Variants in CTBP2 observed in about 807,000 individuals in gnomAD.
The protein encoded by CTBP2 is C-terminal-binding protein 2.
In CTBP2, 30 loss-of-function variants were observed where a neutral mutation model predicts 80.3. The ratio of observed to expected loss-of-function variants is 0.37; its 90% CI spans 0.28 to 0.51. CTBP2 has a LOEUF of 0.51. Among genes scored for constraint, CTBP2 ranks in the 20% least tolerant of loss-of-function variants. The pLI, the probability that CTBP2 is intolerant of heterozygous loss-of-function variation, is 0.93. For synonymous variants in CTBP2, 594 were observed against 587.4 expected (o/e 1.01, Z -0.16); for missense variants, 1,212 against 1,375.3 (o/e 0.88, Z 1.88).
Position 124,998,054 on chromosome 10 carries a change from C to T in CTBP2, c.2095G>A (p.Gly699Ser). 3 of 1,613,296 alleles carry T rather than the reference C, an allele frequency of 1.9e-6. No homozygotes were observed. Among genetic ancestry groups the T allele is most frequent in the Non-Finnish European group, 2.5e-6 (3 of 1,179,958 alleles). ...TGCTCCACGCTCTGAACCCGCGTGC[C>T]TTCCCGCAGTGCCTGGTACAGCCAC... The change falls in exon 4 of 9, where the codon GGC becomes AGC. Residue 699 changes from glycine (G) to serine (S), a missense_variant. By Grantham distance (56) the Gly-to-Ser change is moderately conservative. Around this residue, in one of 3 missense-constraint regions of CTBP2, gnomAD observed 335 missense variants for 504.7 expected, o/e 0.66. Coordinates refer to ENST00000309035, the MANE Select transcript of CTBP2 (RefSeq NM_022802.3).
chr10:125,159,388 G>T (rs1861537493), intron 1 of CTBP2, among the ~76,000 whole-genome samples: 1 of 145,830 alleles, frequency 6.9e-6, no homozygotes, highest in Non-Finnish European at 1.5e-5. Context: ...GCGCGGCCGG[G>T]CAGAGGAAAT....
intron 2 of CTBP2, among the ~76,000 whole-genome samples, chr10:125,093,499 A>G (rs146138490): frequency 3.1e-3 from 470 of 152,314 alleles, no homozygotes; most frequent in African/African-American, 0.011. Context: ...CCCACCCACG[A>G]CACTTTGTTT....
intron 2 of CTBP2, among the ~76,000 whole-genome samples, chr10:125,051,154 A>G (rs1481471290): frequency 6.6e-6 from 1 of 152,210 alleles, no homozygotes. Flanking sequence ...AATGGGAAAA[A>G]AGGTCCGAGG....
chr10:125,079,279 G>T (rs970926966), intron 2 of CTBP2, among the ~76,000 whole-genome samples: 1 of 152,086 alleles, frequency 6.6e-6, no homozygotes, highest in Non-Finnish European at 1.5e-5. Context: ...GTACACGGAG[G>T]ACACAGGGCA....
chr10:124,997,582 G>A (rs182325039), intron 4 of CTBP2: 7 of 256,894 alleles, frequency 2.7e-5, no homozygotes, highest in South Asian at 1.2e-4. Context: ...TGAACCCTAC[G>A]CCAGCCCCTA....
Position 125,134,331 on chromosome 10 carries a change from GC to G in CTBP2, c.-205-23239del, listed in dbSNP as rs889002949. On this transcript the variant is annotated intron_variant, in intron 1 of 10. Coordinates refer to the CTBP2 transcript ENST00000337195. ...GCCAACTCAAGTCCACCCAGCGGAAGCCCCCCCGCCCCGTGCCTTGCTCAGC... is the reference window on the plus strand; with the variant it reads ...GCCAACTCAAGTCCACCCAGCGGAAGCCCCCCGCCCCGTGCCTTGCTCAGC... Among the ~76,000 whole-genome samples the G allele has an allele frequency of 6.6e-5, 10 of 152,220 alleles. No homozygotes were observed. The East Asian group carries it at 1.4e-3, about 21-fold the overall frequency.
intron 1 of CTBP2, among the ~76,000 whole-genome samples, chr10:125,018,213 G>A (rs1400937206): frequency 6.6e-5 from 10 of 152,154 alleles, no homozygotes; most frequent in African/African-American, 2.4e-4. Flanking sequence ...TTTCAGATGG[G>A]GGATCATCCT....
intron 3 of CTBP2, chr10:125,001,341 C>CA (rs1215132420): frequency 6.6e-6 from 1 of 152,298 alleles, no homozygotes; most frequent in Non-Finnish European, 1.5e-5. Flanking sequence ...GAGCCCCTGG[C>CA]ACATGAAGCT....
chr10:125,145,677 A>T (rs1858637831), intron 1 of CTBP2, among the ~76,000 whole-genome samples: 2 of 152,176 alleles, frequency 1.3e-5, no homozygotes, highest in Admixed American at 6.5e-5. Flanking sequence ...CATGAATCCT[A>T]CTACTATCAC....
At chr10:125,083,547 T>A (rs2135581901) in intron 2 of CTBP2, among the ~76,000 whole-genome samples, 2 of 152,346 alleles carry the variant, frequency 1.3e-5, no homozygotes, top group Admixed American at 1.3e-4. Flanking sequence ...TCTAGTCTAA[T>A]GAAAATGCCA....
intron 2 of CTBP2, among the ~76,000 whole-genome samples, chr10:125,065,974 G>A (rs978961432): frequency 3.3e-5 from 5 of 151,804 alleles, no homozygotes; most frequent in African/African-American, 9.7e-5. Context: ...GGTGGCATGC[G>A]CCTGTAATCC....
At chr10:125,115,699 C>A (rs79475482) in intron 1 of CTBP2, among the ~76,000 whole-genome samples, 38 of 152,312 alleles carry the variant, frequency 2.5e-4, no homozygotes, top group Non-Finnish European at 4.7e-4. Flanking sequence ...ATGAGATAAA[C>A]AGTTGACATT....
At chr10:125,023,306 C>T (rs1957233158) in intron 1 of CTBP2, among the ~76,000 whole-genome samples, 1 of 152,242 alleles carries the variant, frequency 6.6e-6, no homozygotes, top group East Asian at 1.9e-4. Flanking sequence ...AACTTTGCCC[C>T]CAGGGTGTGT....
At chr10:125,127,755 C>G (rs1306822689) in intron 1 of CTBP2, among the ~76,000 whole-genome samples, 1 of 152,204 alleles carries the variant, frequency 6.6e-6, no homozygotes, top group Non-Finnish European at 1.5e-5. Flanking sequence ...CTGTGGCAAG[C>G]TGTTTCCCTG....
At chr10:125,082,844 C>G (rs1564876760) in intron 2 of CTBP2, among the ~76,000 whole-genome samples, 2 of 152,306 alleles carry the variant, frequency 1.3e-5, no homozygotes, top group East Asian at 3.9e-4. Flanking sequence ...TCGCCTCGGC[C>G]TCCTGAAGTG....
At chr10:124,997,141 C>G (rs1307866847) in intron 4 of CTBP2, 1 of 152,236 alleles carries the variant, frequency 6.6e-6, no homozygotes, top group East Asian at 1.9e-4. Flanking sequence ...ACATTACTGG[C>G]CCCGTGTGCA....
chr10:125,079,938 T>C (rs71488646), intron 2 of CTBP2, among the ~76,000 whole-genome samples: 9,788 of 152,248 alleles, frequency 0.064, 330 homozygotes, highest in East Asian at 0.097. Context: ...CTGAATGTTT[T>C]CTGCAGATTT....
rs544557754 is a variant in CTBP2 at position 125,101,107 on chromosome 10, T to C, written c.-102+9883A>G. On this transcript the variant is annotated intron_variant, in intron 2 of 10. Transcript: ENST00000337195. ...TGATAATTCCAGCCATTATTCAGTG[T>C]GAAATTCAAACAGTCTGAATTCATT... 7.9e-5 allele frequency among the ~76,000 whole-genome samples: 12 copies of C among 152,358 alleles called. No homozygotes were observed. The South Asian group carries it at 1.0e-3, about 13-fold the overall frequency.
At chr10:125,111,824 G>C (rs374959147) in intron 1 of CTBP2, among the ~76,000 whole-genome samples, 1 of 152,160 alleles carries the variant, frequency 6.6e-6, no homozygotes, top group Non-Finnish European at 1.5e-5. Flanking sequence ...CTCCTTCTGC[G>C]GCTGATGGGG....
Sources: gnomAD v4.1 joint callset for allele counts (sites outside exome capture counted in the v4.1 genomes callset) on GRCh38, gnomAD v4.1.1 for gene constraint, gnomAD v4.1.1 regional missense constraint, MANE v1.5 for transcripts, NCBI Gene and HGNC (gene_info 2026-07-23, HGNC 2026-07-21) for gene names.